Variants in ST6GALNAC5 observed in about 807,000 individuals in gnomAD.
The protein encoded by ST6GALNAC5 is ST6 N-acetylgalactosaminide alpha-2,6-sialyltransferase 5.
ST6GALNAC5 carries 27 observed loss-of-function variants against 33.6 expected under a neutral mutation model. That is an observed-to-expected ratio of 0.80 (90% CI 0.59 to 1.11). ST6GALNAC5 has a LOEUF of 1.11. ST6GALNAC5 is among the 50% of genes least tolerant of loss of function. The pLI is 0.00. For missense variants in ST6GALNAC5, 428 were observed against 454.0 expected (o/e 0.94, Z 0.52); for synonymous variants, 194 against 171.2 (o/e 1.13, Z -1.04).
Position 77,063,169 on chromosome 1 carries a change from T to G in ST6GALNAC5, c.974T>G (p.Leu325Arg), listed in dbSNP as rs1459040027. 1 of 1,613,684 alleles carries G rather than the reference T, an allele frequency of 6.2e-7. No individual in the cohort carries two copies. Among genetic ancestry groups the G allele is most frequent in the East Asian group, 2.2e-5 (1 of 44,868 alleles). ...CAACCAGACTGGAAACCAGAATCAC[T>G]TGCTATAAATCATCCTGAGAATAAA... ...FFQPDWKPES[L>R]AINHPENKPV... Residue 325 changes from leucine to arginine, a missense_variant, in exon 5 of 5, where the codon CTT becomes CGT. Leu to Arg is a moderately radical substitution (Grantham distance 102). Coordinates refer to ENST00000477717, the MANE Select transcript of ST6GALNAC5 (RefSeq NM_030965.3).
At chr1:76,913,391 T>C (rs536571150) in intron 2 of ST6GALNAC5, among the ~76,000 whole-genome samples, 57 of 151,506 alleles carry the variant, frequency 3.8e-4, no homozygotes, top group African/African-American at 1.3e-3. Context: ...CTGACTATTA[T>C]GTGTCTTGGA....
intron 2 of ST6GALNAC5, among the ~76,000 whole-genome samples, chr1:76,994,755 C>G (rs978235087): frequency 1.3e-5 from 2 of 152,162 alleles, no homozygotes; most frequent in Non-Finnish European, 2.9e-5. Context: ...AGGACAATAA[C>G]CAGTTGAAAG....
chr1:76,894,577 A>G (rs1390519720), intron 2 of ST6GALNAC5, among the ~76,000 whole-genome samples: 1 of 152,178 alleles, frequency 6.6e-6, no homozygotes, highest in East Asian at 1.9e-4. Context: ...TAACTCAGCA[A>G]TTGAGGTCAC....
At chr1:76,877,299 G>C (rs551335958) in intron 2 of ST6GALNAC5, among the ~76,000 whole-genome samples, 2 of 152,208 alleles carry the variant, frequency 1.3e-5, no homozygotes, top group Non-Finnish European at 2.9e-5. Flanking sequence ...CATTGGATCT[G>C]CTGGGTCATA....
intron 2 of ST6GALNAC5, among the ~76,000 whole-genome samples, chr1:76,951,119 G>T (rs1051827503): frequency 6.6e-6 from 1 of 152,086 alleles, no homozygotes. Flanking sequence ...AGTCAACAGG[G>T]TTTACAGTTG....
chr1:76,960,561 C>T (rs369254150), intron 2 of ST6GALNAC5, among the ~76,000 whole-genome samples: 1 of 152,066 alleles, frequency 6.6e-6, no homozygotes, highest in Admixed American at 6.6e-5. Flanking sequence ...GGAATTTCCT[C>T]GTCCTAATAA....
Position 76,868,953 on chromosome 1 carries a change from G to C in ST6GALNAC5, c.261+211G>C. The C allele has an allele frequency of 1.3e-6, 1 of 760,922 alleles. No individual in the cohort carries two copies. The highest frequency in any genetic ancestry group is 1.9e-6 in the Non-Finnish European group (1 of 518,626). 47.1% of individuals were successfully genotyped at this position (760,922 alleles called of 1,614,324 possible). A position where few individuals can be genotyped will look rare whatever the true frequency, so the allele number is the denominator to read the frequency against. The stretch of plus-strand genomic sequence containing the variant: ...ACAAAGTTTTGTAGAAAATAGGGGT[G>C]AGGTGCGTGGACCCCAAAGCCTAAT... On this transcript the variant is annotated intron_variant, in intron 2 of 4. Transcript: ENST00000477717. The surrounding 1 kb of genome is among the most constrained non-coding windows in gnomAD (Gnocchi z 4.3).
intron 2 of ST6GALNAC5, among the ~76,000 whole-genome samples, chr1:77,035,626 A>T (rs891090787): frequency 6.6e-6 from 1 of 152,182 alleles, no homozygotes. Flanking sequence ...GGCATAGTAG[A>T]TGCAATTGAA....
At chr1:76,895,696 G>A (rs34711301) in intron 2 of ST6GALNAC5, among the ~76,000 whole-genome samples, 2 of 151,354 alleles carry the variant, frequency 1.3e-5, no homozygotes, top group East Asian at 1.9e-4. Flanking sequence ...TGGAGAAACA[G>A]TGTAAACTGG....
intron 3 of ST6GALNAC5, among the ~76,000 whole-genome samples, chr1:77,049,910 G>A (rs980865663): frequency 5.9e-5 from 9 of 152,164 alleles, no homozygotes; most frequent in African/African-American, 1.4e-4. Flanking sequence ...AAGTGTTCTC[G>A]TTAAGAAAGA....
chr1:77,044,756 C>A, intron 3 of ST6GALNAC5, 143 bp downstream of exon 3: 1 of 953,834 alleles, frequency 1.0e-6, no homozygotes, highest in African/African-American at 1.7e-5. Context: ...TTGTAGGGTC[C>A]TCTGCGTGAC....
intron 2 of ST6GALNAC5, among the ~76,000 whole-genome samples, chr1:76,992,052 G>A (rs546253510): frequency 9.8e-4 from 149 of 151,956 alleles, no homozygotes; most frequent in African/African-American, 3.5e-3. Flanking sequence ...TATACTCTAC[G>A]TAGGGGTCAG....
In ST6GALNAC5 at chr1:76,936,585, C is replaced by T. The variant is rs558866729; in HGVS notation, c.261+67843C>T. 5.9e-5 allele frequency among the ~76,000 whole-genome samples: 9 copies of T among 152,192 alleles called. No homozygotes were observed. The South Asian group carries it at 1.0e-3, about 18-fold the overall frequency. On this transcript the variant is annotated intron_variant, in intron 2 of 4. Transcript: ENST00000477717. ...CATTCTTTCTTTGAGATTTTATACA[C>T]ATGTGCTATTGAAATTTGAAGGAGA...
At chr1:77,054,455 G>A (rs1032036696) in intron 4 of ST6GALNAC5, among the ~76,000 whole-genome samples, 1 of 152,208 alleles carries the variant, frequency 6.6e-6, no homozygotes, top group Admixed American at 6.5e-5. Context: ...TTCAACAAAA[G>A]AGCATTTGAC....
chr1:76,868,450 T>C lies in ST6GALNAC5; in HGVS notation c.16-47T>C. On this transcript the variant is annotated intron_variant, in intron 1 of 4. Transcript: ENST00000477717. The surrounding 1 kb of genome is among the most constrained non-coding windows in gnomAD (Gnocchi z 4.3). ...GTCCCCGCTGGGCGCGCTCCTCCGG[T>C]GTCTGCGCTCAGCCGCTCTCCTCTT... The C allele has an allele frequency of 1.9e-6, 3 of 1,564,662 alleles. No homozygotes were observed. The highest frequency in any genetic ancestry group is 2.6e-6 in the Non-Finnish European group (3 of 1,152,428).
intron 2 of ST6GALNAC5, among the ~76,000 whole-genome samples, chr1:76,906,516 T>G (rs1015222495): frequency 6.6e-6 from 1 of 152,194 alleles, no homozygotes; most frequent in Non-Finnish European, 1.5e-5. Context: ...GAAAAGAGAA[T>G]TAATGCCTCT....
chr1:76,937,894 C>T (rs1374613660), intron 2 of ST6GALNAC5, among the ~76,000 whole-genome samples: 1 of 152,072 alleles, frequency 6.6e-6, no homozygotes, highest in African/African-American at 2.4e-5. Flanking sequence ...CTCCACCACA[C>T]TCTATTGTCT....
chr1:76,956,386 C>A (rs185042524), intron 2 of ST6GALNAC5, among the ~76,000 whole-genome samples: 369 of 152,200 alleles, frequency 2.4e-3, no homozygotes, highest in African/African-American at 8.6e-3. Flanking sequence ...TCTATTATTA[C>A]CCTCATTTTT....
chr1:76,998,900 T>C (rs974811495), intron 2 of ST6GALNAC5, among the ~76,000 whole-genome samples: 1 of 152,146 alleles, frequency 6.6e-6, no homozygotes, highest in Non-Finnish European at 1.5e-5. Context: ...CAGCCTGTTA[T>C]AGAAGACAGG....
Sources: gnomAD v4.1 joint callset for allele counts (sites outside exome capture counted in the v4.1 genomes callset) on GRCh38, gnomAD v4.1.1 for gene constraint, Gnocchi (gnomAD v3.1) non-coding constraint, MANE v1.5 for transcripts, NCBI Gene and HGNC (gene_info 2026-07-23, HGNC 2026-07-21) for gene names.